ETV6: variants seen among roughly 807,000 people sequenced by gnomAD.
ETV6 encodes the protein transcription factor ETV6.
ETV6 carries 16 observed loss-of-function variants against 51.1 expected under a neutral mutation model. The ratio of observed to expected loss-of-function variants is 0.31; its 90% confidence interval spans 0.21 to 0.48. The LOEUF (loss-of-function observed/expected upper bound fraction) is 0.48. ETV6 is among the 20% of genes least tolerant of loss of function. The pLI, the probability that ETV6 is intolerant of heterozygous loss-of-function variation, is 0.99. For missense variants in ETV6, 458 were observed against 594.8 expected, an observed-to-expected ratio of 0.77 and a Z score of 2.39; for synonymous variants, 240 against 224.1, an observed-to-expected ratio of 1.07 and a Z score of -0.64.
At chr12:11,824,755 G>A (rs1222331852) in intron 2 of ETV6, among the ~76,000 whole-genome samples, 1 of 152,200 alleles carries the variant, frequency 6.6e-6, no homozygotes, top group Non-Finnish European at 1.5e-5. Flanking sequence ...CTGAGCGACA[G>A]AGCAAGACTC....
chr12:11,808,603 C>T (rs1359016953), intron 2 of ETV6, among the ~76,000 whole-genome samples: 2 of 152,140 alleles, frequency 1.3e-5, no homozygotes, highest in Non-Finnish European at 2.9e-5. Context: ...TGCAAATATA[C>T]ACCATTTTAT....
chr12:11,838,389 A>G (rs1319832579), intron 2 of ETV6, among the ~76,000 whole-genome samples: 2 of 152,178 alleles, frequency 1.3e-5, no homozygotes, highest in Admixed American at 6.5e-5. Context: ...CAGAGAGCCA[A>G]CCTGAGCCAA....
chr12:11,696,615 G>A lies in ETV6; in HGVS notation c.33+46455G>A, dbSNP rs938783174. 2.6e-5 allele frequency among the ~76,000 whole-genome samples: 4 copies of A among 152,080 alleles called. No homozygotes were observed. In the South Asian group the frequency reaches 8.3e-4, roughly 32 times the overall value. On this transcript the variant is annotated intron_variant, in intron 1 of 7. Coordinates refer to ENST00000396373, the MANE Select transcript of ETV6 (RefSeq NM_001987.5). ...AGAGGATCACTTGAGTCAGGAGTTC[G>A]ATACCAGCCTGGGCAAGTGGTGAAA...
At chr12:11,655,385 C>T (rs1298207838) in intron 1 of ETV6, among the ~76,000 whole-genome samples, 1 of 152,036 alleles carries the variant, frequency 6.6e-6, no homozygotes, top group African/African-American at 2.4e-5. Flanking sequence ...GGTTCCCACG[C>T]CAAAAGGGAC....
Position 11,878,331 on chromosome 12 carries a change from G to A in ETV6, c.1010-6114G>A, listed in dbSNP as rs150206595. Among the ~76,000 whole-genome samples, 1,163 of 152,254 alleles carry A rather than the reference G, an allele frequency of 7.6e-3. 7 individuals carry two copies. The highest frequency in any genetic ancestry group is 0.013 in the Non-Finnish European group (898 of 68,020). ...GGTGTCTGAGTGGAAAATAATAGAAGGGGCTTGAGGAGACTGGAAATTCCA... is the reference window on the plus strand; with the variant it reads ...GGTGTCTGAGTGGAAAATAATAGAAAGGGCTTGAGGAGACTGGAAATTCCA... On this transcript the variant is annotated intron_variant, in intron 5 of 7. Transcript: ENST00000396373.
At chr12:11,667,091 C>T (rs1369614111) in intron 1 of ETV6, among the ~76,000 whole-genome samples, 1 of 152,194 alleles carries the variant, frequency 6.6e-6, no homozygotes, top group African/African-American at 2.4e-5. Context: ...GGGGCAGCCA[C>T]GGAAGTTGTG....
At chr12:11,801,348 G>T (rs1945746256) in intron 2 of ETV6, among the ~76,000 whole-genome samples, 2 of 152,262 alleles carry the variant, frequency 1.3e-5, no homozygotes, top group East Asian at 3.9e-4. Context: ...TCTACATTTT[G>T]GACGTGTTTC....
At chr12:11,815,623 T>A (rs1945980763) in intron 2 of ETV6, among the ~76,000 whole-genome samples, 1 of 101,996 alleles carries the variant, frequency 9.8e-6, no homozygotes, top group South Asian at 2.5e-4. Context: ...CTGGTGACTG[T>A]GAAGGCCAAA....
chr12:11,860,795 A>G (rs1946705325), intron 4 of ETV6, among the ~76,000 whole-genome samples: 1 of 152,148 alleles, frequency 6.6e-6, no homozygotes, highest in Admixed American at 6.5e-5. Flanking sequence ...TCTATTCACA[A>G]TGTTGTGCAG....
chr12:11,869,585 A>C lies in ETV6; in HGVS notation c.625A>C (p.Ile209Leu). The C allele has an allele frequency of 6.2e-7, 1 of 1,614,090 alleles. No homozygotes were observed. The highest frequency in any genetic ancestry group is 8.5e-7 in the Non-Finnish European group (1 of 1,180,016). Reference sequence around the variant, plus strand: ...CCTCCGGTCCCCCCTGGACAACATGATCCGCCGCCTCTCCCCGGCTGAGAG... The same window carrying C: ...CCTCCGGTCCCCCCTGGACAACATGCTCCGCCGCCTCTCCCCGGCTGAGAG... ...RPLRSPLDNMIRRLSPAERAQ... is the reference protein window; with the variant it reads ...RPLRSPLDNMLRRLSPAERAQ... Residue 209 changes from isoleucine (I) to leucine (L), a missense_variant, in exon 5 of 8, where the codon ATC (isoleucine) becomes CTC (leucine). Ile to Leu is a conservative substitution (Grantham distance 5). This residue lies in a region of ETV6 where 293 missense variants were observed against 315.7 expected (regional missense o/e 0.93). Transcript: ENST00000396373. The surrounding 1 kb of genome is among the most constrained non-coding windows in gnomAD (Gnocchi z 5.0).
chr12:11,894,342 C>T lies in ETV6; in HGVS notation c.*3296C>T. 4.3e-6 allele frequency: 1 copy of T among 233,060 alleles called. No individual in the cohort carries two copies. 14.4% of individuals were successfully genotyped at this position (233,060 alleles called of 1,614,324 possible). ...TCTCATTCCTACATCTCAAGCTAGC[C>T]AGGCAGTCTCCTCTCTATCAGAAGA... On this transcript the variant is annotated 3_prime_UTR_variant, in exon 8 of 8. Coordinates refer to ENST00000396373, the MANE Select transcript of ETV6 (RefSeq NM_001987.5).
At chr12:11,765,840 G>A (rs1032070156) in intron 2 of ETV6, among the ~76,000 whole-genome samples, 3 of 152,196 alleles carry the variant, frequency 2.0e-5, no homozygotes, top group African/African-American at 7.2e-5. Flanking sequence ...CAGCCTTTCT[G>A]CCAGAAGTCT....
At chr12:11,847,736 G>A (rs1039416193) in intron 3 of ETV6, among the ~76,000 whole-genome samples, 2 of 152,160 alleles carry the variant, frequency 1.3e-5, no homozygotes, top group African/African-American at 4.8e-5. Flanking sequence ...GGAAGGTGAG[G>A]AAGTGGTGAG....
intron 2 of ETV6, among the ~76,000 whole-genome samples, chr12:11,834,594 C>T (rs1310880247): frequency 3.3e-5 from 5 of 152,110 alleles, no homozygotes; most frequent in Non-Finnish European, 5.9e-5. Context: ...AGTACTACCC[C>T]GATGCAAGCA....
At chr12:11,652,674 C>T (rs972961350) in intron 1 of ETV6, among the ~76,000 whole-genome samples, 22 of 152,186 alleles carry the variant, frequency 1.4e-4, no homozygotes, top group Non-Finnish European at 1.5e-5. Context: ...CAGACAGTTC[C>T]TCAGCGGCTG....
At chr12:11,867,920 C>A (rs1946814100) in intron 4 of ETV6, among the ~76,000 whole-genome samples, 1 of 152,178 alleles carries the variant, frequency 6.6e-6, no homozygotes, top group Admixed American at 6.5e-5. Flanking sequence ...TTAGCAGGGA[C>A]TTCTGGAGCC....
chr12:11,712,017 G>A (rs778272874), intron 1 of ETV6, among the ~76,000 whole-genome samples: 2 of 152,100 alleles, frequency 1.3e-5, no homozygotes, highest in Non-Finnish European at 2.9e-5. Flanking sequence ...TGGCATCTGC[G>A]ATTGTGTTAG....
chr12:11,801,022 C>A (rs1332469750), intron 2 of ETV6, among the ~76,000 whole-genome samples: 18 of 152,210 alleles, frequency 1.2e-4, no homozygotes, highest in Admixed American at 1.2e-3. Flanking sequence ...ATAATTACAT[C>A]ATGGTTTTAA....
chr12:11,692,447 T>C (rs1319746877), intron 1 of ETV6, among the ~76,000 whole-genome samples: 2 of 152,212 alleles, frequency 1.3e-5, no homozygotes, highest in Non-Finnish European at 2.9e-5. Flanking sequence ...TATCTTATTT[T>C]AATTTTGTTC....
Sources: gnomAD v4.1 joint callset for allele counts (sites outside exome capture counted in the v4.1 genomes callset) on GRCh38, gnomAD v4.1.1 for gene constraint, gnomAD v4.1.1 regional missense constraint, Gnocchi (gnomAD v3.1) non-coding constraint, MANE v1.5 for transcripts, NCBI Gene and HGNC (gene_info 2026-07-23, HGNC 2026-07-21) for gene names.